The following SAMD13 variants were observed in gnomAD, a reference collection of about 807,000 sequenced individuals.
SAMD13 encodes sterile alpha motif domain-containing protein 13.
In SAMD13, 9 loss-of-function variants were observed where a neutral mutation model predicts 12.4. The observed-to-expected ratio is 0.72, with a 90% confidence interval of 0.44 to 1.26. The LOEUF (loss-of-function observed/expected upper bound fraction) is 1.26. SAMD13 is among the 50% of genes most tolerant of loss of function. The pLI is 0.00. For missense variants in SAMD13, 84 were observed against 119.6 expected, an observed-to-expected ratio of 0.70 and a Z score of 1.39; for synonymous variants, 46 against 45.4, an observed-to-expected ratio of 1.01 and a Z score of -0.05.
At chr1:84,341,881 G>T (rs1231768438) in intron 3 of SAMD13, among the ~76,000 whole-genome samples, 1 of 152,180 alleles carries the variant, frequency 6.6e-6, no homozygotes, top group African/African-American at 2.4e-5. Flanking sequence ...TAGACCAACA[G>T]ATATTACCAG....
chr1:84,332,862 GC>G (rs1425300047), intron 3 of SAMD13, among the ~76,000 whole-genome samples: 1 of 152,068 alleles, frequency 6.6e-6, no homozygotes, highest in African/African-American at 2.4e-5. Context: ...ATACTTTTAG[GC>G]TTTACATTTA....
chr1:84,312,205 C>T (rs1359785263), intron 2 of SAMD13, among the ~76,000 whole-genome samples: 4 of 152,054 alleles, frequency 2.6e-5, no homozygotes, highest in Admixed American at 6.6e-5. Context: ...ATTATAAGCT[C>T]AGATTCTGTT....
At chr1:84,330,440 T>C (rs548945714) in intron 3 of SAMD13, among the ~76,000 whole-genome samples, 2 of 152,314 alleles carry the variant, frequency 1.3e-5, no homozygotes, top group East Asian at 3.9e-4. Context: ...AGAATTTTAC[T>C]TTGCTAAGAG....
At chr1:84,322,222 C>A (rs974036810) in intron 2 of SAMD13, among the ~76,000 whole-genome samples, 4 of 152,084 alleles carry the variant, frequency 2.6e-5, no homozygotes, top group African/African-American at 9.7e-5. Flanking sequence ...ATTCCCTGTC[C>A]TTGTAACCCT....
At chr1:84,316,726 G>T (rs764335479) in intron 2 of SAMD13, among the ~76,000 whole-genome samples, 1 of 151,960 alleles carries the variant, frequency 6.6e-6, no homozygotes, top group Admixed American at 6.6e-5. Flanking sequence ...ATGAATATTA[G>T]AATTTTTTTT....
Position 84,320,733 on chromosome 1 carries a change from G to A in SAMD13, c.54-4904G>A, listed in dbSNP as rs560187326. Reference sequence around the variant, plus strand: ...ACAAAGTTAGAGTGCACTGCTCAGTGTAAAAATAAGTAACAGAATTAGCCT... The same window carrying A: ...ACAAAGTTAGAGTGCACTGCTCAGTATAAAAATAAGTAACAGAATTAGCCT... On this transcript the variant is annotated intron_variant, in intron 2 of 3. Coordinates refer to ENST00000394834, the MANE Select transcript of SAMD13 (RefSeq NM_001134663.2). Among the ~76,000 whole-genome samples the A allele has an allele frequency of 2.0e-5, 3 of 152,306 alleles. No individual in the cohort carries two copies. The East Asian group carries it at 5.8e-4, about 29-fold the overall frequency.
At chr1:84,338,432 C>CTTT (rs201864672) in intron 3 of SAMD13, among the ~76,000 whole-genome samples, 29 of 100,642 alleles carry the variant, frequency 2.9e-4, no homozygotes, top group African/African-American at 6.3e-4. Flanking sequence ...ACTCATCTCT[C>CTTT]TTTTTTTTTT....
At chr1:84,339,784 A>T (rs1163948050) in intron 3 of SAMD13, among the ~76,000 whole-genome samples, 2 of 152,224 alleles carry the variant, frequency 1.3e-5, no homozygotes, top group Non-Finnish European at 2.9e-5. Context: ...CTGGAGAGTC[A>T]TGTAGGCAAG....
intron 3 of SAMD13, among the ~76,000 whole-genome samples, chr1:84,337,439 C>G (rs1485170275): frequency 6.6e-6 from 1 of 152,212 alleles, no homozygotes; most frequent in African/African-American, 2.4e-5. Flanking sequence ...ATGGAAGCTG[C>G]CAAAGCTTGA....
At chr1:84,332,854 A>G (rs1434787603) in intron 3 of SAMD13, among the ~76,000 whole-genome samples, 2 of 151,994 alleles carry the variant, frequency 1.3e-5, no homozygotes, top group East Asian at 1.9e-4. Flanking sequence ...GGATTTTTAT[A>G]CTTTTAGGCT....
In SAMD13 at chr1:84,301,811, C is replaced by CT; in HGVS notation, c.-33+15dup. The CT allele has an allele frequency of 2.1e-6, 2 of 961,510 alleles. No homozygotes were observed. The highest frequency in any genetic ancestry group is 2.5e-6 in the Non-Finnish European group (2 of 808,246). The allele number at this position is 961,510 out of a possible 1,614,324, so 59.6% of individuals were successfully genotyped here. A position where few individuals can be genotyped will look rare whatever the true frequency, so the allele number is the denominator to read the frequency against. On this transcript the variant is annotated intron_variant, in intron 1 of 3. Coordinates refer to ENST00000394834, the MANE Select transcript of SAMD13 (RefSeq NM_001134663.2). Reference sequence around the variant, plus strand: ...TTTTAGTTGCTTATAGGTAGGTTTTCTTTTTACTCTTCCACAGAAAAGAAA... The same window carrying CT: ...TTTTAGTTGCTTATAGGTAGGTTTTCTTTTTTACTCTTCCACAGAAAAGAAA...
chr1:84,304,310 A>G (rs963992130), intron 2 of SAMD13: 1 of 152,200 alleles, frequency 6.6e-6, no homozygotes, highest in Non-Finnish European at 1.5e-5. Context: ...AAAGAAACAG[A>G]TGCTGTTTTA....
chr1:84,346,424 G>T (rs1437522933), intron 3 of SAMD13, among the ~76,000 whole-genome samples: 3 of 152,150 alleles, frequency 2.0e-5, no homozygotes, highest in Non-Finnish European at 4.4e-5. Context: ...CACAATCAAT[G>T]TCAAAGTTTT....
chr1:84,316,435 G>C lies in SAMD13; in HGVS notation c.54-9202G>C, dbSNP rs146612920. On this transcript the variant is annotated intron_variant, in intron 2 of 3. Coordinates refer to ENST00000394834, the MANE Select transcript of SAMD13 (RefSeq NM_001134663.2). ...ATAATCCAGTTTTATTCTTTTGCATGTGGATATCCAGTTTTCCCAACACCA... is the reference window on the plus strand; with the variant it reads ...ATAATCCAGTTTTATTCTTTTGCATCTGGATATCCAGTTTTCCCAACACCA... Among the ~76,000 whole-genome samples the C allele has an allele frequency of 2.0e-3, 311 of 152,154 alleles. 3 individuals carry two copies. The highest frequency in any genetic ancestry group is 7.3e-3 in the African/African-American group (304 of 41,508).
intron 3 of SAMD13, among the ~76,000 whole-genome samples, chr1:84,326,431 C>G (rs929483503): frequency 6.6e-6 from 1 of 152,128 alleles, no homozygotes; most frequent in African/African-American, 2.4e-5. Context: ...TCCTTTTCCT[C>G]AGGTCCAGGG....
intron 2 of SAMD13, among the ~76,000 whole-genome samples, chr1:84,318,664 T>C (rs1678883124): frequency 6.6e-6 from 1 of 152,172 alleles, no homozygotes; most frequent in Admixed American, 6.5e-5. Flanking sequence ...TGTTGAATGG[T>C]TTCTTGAATA....
upstream of SAMD13, chr1:84,299,532 C>A: frequency 1.5e-6 from 2 of 1,320,824 alleles, no homozygotes; most frequent in Non-Finnish European, 1.0e-6. Context: ...CACCCACACA[C>A]AAAGTACACC....
chr1:84,310,364 A>C (rs1379470517), intron 2 of SAMD13, among the ~76,000 whole-genome samples: 1 of 152,106 alleles, frequency 6.6e-6, no homozygotes, highest in Non-Finnish European at 1.5e-5. Context: ...CTGATGAGAA[A>C]AAAAAAAATC....
At chr1:84,301,537 A>G (rs1572685548), upstream of SAMD13, 1 of 850,678 alleles carries the variant, frequency 1.2e-6, no homozygotes, top group Non-Finnish European at 1.4e-6. Context: ...TTCTTGCACT[A>G]ATTGTGCTGA....
Sources: allele counts gnomAD v4.1 joint callset (sites outside exome capture counted in the v4.1 genomes callset), GRCh38; gene constraint gnomAD v4.1.1; transcripts MANE v1.5; gene names NCBI Gene and HGNC (gene_info 2026-07-23, HGNC 2026-07-21).